Variants in TAF2 observed in about 807,000 individuals in gnomAD.
TAF2 encodes the protein transcription initiation factor TFIID subunit 2.
A neutral mutation model predicts 138.5 loss-of-function variants in TAF2; 61 were observed. The observed-to-expected ratio is 0.44, with a 90% CI of 0.36 to 0.54. The LOEUF (loss-of-function observed/expected upper bound fraction) is 0.54, where lower values mean the gene tolerates loss of function less well. TAF2 is among the 20% of genes least tolerant of loss of function. The pLI is 0.00. For synonymous variants in TAF2, 475 were observed against 469.9 expected (o/e 1.01, Z -0.14); for missense variants, 1,090 against 1,427.9 (o/e 0.76, Z 3.81).
rs999373660 is a variant in TAF2 at position 119,803,245 on chromosome 8, T to C, written c.560+633A>G. 4.6e-5 allele frequency among the ~76,000 whole-genome samples: 7 copies of C among 152,264 alleles called. No homozygotes were observed. In the South Asian group the frequency reaches 6.2e-4, roughly 13 times the overall value. ...CTAGATGTAAATTATGTAGGCTTGT[T>C]CACTTGTGAAAATTCATCGAGCTTT... On this transcript the variant is annotated intron_variant, in intron 5 of 25. Coordinates refer to ENST00000378164, the MANE Select transcript of TAF2 (RefSeq NM_003184.4).
At chr8:119,754,965 A>G (rs958465656) in intron 22 of TAF2, among the ~76,000 whole-genome samples, 2 of 152,254 alleles carry the variant, frequency 1.3e-5, no homozygotes, top group Non-Finnish European at 2.9e-5. Flanking sequence ...AAGCGTAACT[A>G]TCATTAAGCT....
chr8:119,829,270 T>C (rs1310275567), intron 2 of TAF2, among the ~76,000 whole-genome samples: 1 of 152,162 alleles, frequency 6.6e-6, no homozygotes, highest in Non-Finnish European at 1.5e-5. Flanking sequence ...AAGTTTATAT[T>C]AATTACCCCA....
intron 3 of TAF2, among the ~76,000 whole-genome samples, chr8:119,810,033 ACAACAGAG>A (rs1270033753): frequency 6.7e-6 from 1 of 149,988 alleles, no homozygotes; most frequent in East Asian, 1.9e-4. Flanking sequence ...TCTGCGAGGC[ACAACAGAG>A]CAACAGAGCA....
At chr8:119,814,218 T>C (rs952592534) in intron 3 of TAF2, among the ~76,000 whole-genome samples, 2 of 152,118 alleles carry the variant, frequency 1.3e-5, no homozygotes, top group Admixed American at 6.5e-5. Context: ...AGGCTTCATG[T>C]TGAAGTTTAA....
chr8:119,800,171 G>C (rs373412817), intron 6 of TAF2, among the ~76,000 whole-genome samples: 1 of 152,082 alleles, frequency 6.6e-6, no homozygotes, highest in Non-Finnish European at 1.5e-5. Flanking sequence ...GTCAATTTTG[G>C]CTTTTGTTGC....
chr8:119,749,795 C>A (rs1430704759), intron 22 of TAF2, among the ~76,000 whole-genome samples: 2 of 152,160 alleles, frequency 1.3e-5, no homozygotes, highest in Non-Finnish European at 2.9e-5. Flanking sequence ...CATCTTTAAT[C>A]TTCCAGCTAC....
intron 18 of TAF2, among the ~76,000 whole-genome samples, chr8:119,774,866 A>G (rs10110601): frequency 0.27 from 41,339 of 152,018 alleles, 6,887 homozygotes; most frequent in Admixed American, 0.46. Flanking sequence ...TCATTAAAAA[A>G]TTTCAATTTT....
chr8:119,807,001 T>TC (rs1326092981), intron 3 of TAF2, among the ~76,000 whole-genome samples: 6 of 152,236 alleles, frequency 3.9e-5, no homozygotes, highest in Admixed American at 2.0e-4. Context: ...ACTATCCTTT[T>TC]TTGATACAAA....
In TAF2 at chr8:119,745,385, T is replaced by C. The variant is rs555265307; in HGVS notation, c.3109-992A>G. On this transcript the variant is annotated intron_variant, in intron 23 of 25. Transcript: ENST00000378164. ...TGAGTATGTAGATCTGAAAGAGCTC[T>C]TTAATGAGACTCTTTTTTTTCTATG... Among the ~76,000 whole-genome samples the C allele has an allele frequency of 1.2e-4, 18 of 152,076 alleles. No individual in the cohort carries two copies. In the East Asian group the frequency reaches 3.3e-3, roughly 28 times the overall value.
At chr8:119,795,730 C>T in intron 8 of TAF2, 99 bp from the exon 9 acceptor site, 1 of 1,077,218 alleles carries the variant, frequency 9.3e-7, no homozygotes, top group South Asian at 1.3e-5. Context: ...TATTTCCCTG[C>T]CTTCATAAAG....
chr8:119,822,253 G>C (rs973030848), intron 2 of TAF2, among the ~76,000 whole-genome samples: 3 of 149,562 alleles, frequency 2.0e-5, no homozygotes, highest in African/African-American at 7.4e-5. Flanking sequence ...ACAGGGTATT[G>C]CTCTGTCACC....
chr8:119,786,632 T>C (rs1384032979), intron 14 of TAF2, among the ~76,000 whole-genome samples: 2 of 152,178 alleles, frequency 1.3e-5, no homozygotes, highest in East Asian at 3.9e-4. Flanking sequence ...AAAAATTAGG[T>C]ATACATAGGC....
Position 119,732,043 on chromosome 8 carries a change from GCTT to G in TAF2, c.3478_3480del (p.Lys1160del), listed in dbSNP as rs771806869. The G allele has an allele frequency of 4.0e-5, 64 of 1,613,940 alleles. No homozygotes were observed. The highest frequency in any genetic ancestry group is 8.9e-5 in the East Asian group (4 of 44,894). ...TGCTTGTGTTTGTGCTTATGTTTAT[GCTT>G]CTTCTTCTTTTTCTTGTGCTCATGG... On this transcript the variant is annotated inframe_deletion, in exon 26 of 26. Transcript: ENST00000378164.
Position 119,777,434 on chromosome 8 carries a change from T to C in TAF2, c.2364+585A>G, listed in dbSNP as rs866898457. On this transcript the variant is annotated intron_variant, in intron 18 of 25. Transcript: ENST00000378164. ...TGAATAAATAAAGTTCATTAAGACA[T>C]CAACCATCTTTTCATTCCAGCTAAC... 4.6e-5 allele frequency among the ~76,000 whole-genome samples: 7 copies of C among 152,312 alleles called. No homozygotes were observed. In the Middle Eastern group the frequency reaches 0.021, roughly 447 times the overall value.
intron 18 of TAF2, among the ~76,000 whole-genome samples, chr8:119,777,565 AT>A (rs1266718748): frequency 6.8e-6 from 1 of 147,756 alleles, no homozygotes; most frequent in Non-Finnish European, 1.5e-5. Flanking sequence ...TCCAATTGCT[AT>A]TTGCTAAATA....
intron 18 of TAF2, among the ~76,000 whole-genome samples, chr8:119,764,029 A>C (rs1398175665): frequency 1.4e-5 from 2 of 139,474 alleles, no homozygotes; most frequent in African/African-American, 5.5e-5. Context: ...CACGCCTATA[A>C]TCCCAGTTAC....
intron 16 of TAF2, among the ~76,000 whole-genome samples, chr8:119,781,590 G>T (rs988022820): frequency 2.0e-5 from 3 of 152,008 alleles, no homozygotes; most frequent in African/African-American, 4.8e-5. Flanking sequence ...TGATGTGGGA[G>T]AACTGCTTGA....
At chr8:119,810,515 T>C (rs1478667073) in intron 3 of TAF2, among the ~76,000 whole-genome samples, 1 of 152,208 alleles carries the variant, frequency 6.6e-6, no homozygotes, top group Non-Finnish European at 1.5e-5. Context: ...TACCTAACAG[T>C]GGGACTAGAG....
At chr8:119,733,748 A>G (rs1819033401) in intron 25 of TAF2, among the ~76,000 whole-genome samples, 1 of 151,642 alleles carries the variant, frequency 6.6e-6, no homozygotes, top group Non-Finnish European at 1.5e-5. Flanking sequence ...GTTACCAAAT[A>G]TTGTTGATTC....
Sources: gnomAD v4.1 joint callset for allele counts (sites outside exome capture counted in the v4.1 genomes callset) on GRCh38, gnomAD v4.1.1 for gene constraint, MANE v1.5 for transcripts, NCBI Gene and HGNC (gene_info 2026-07-23, HGNC 2026-07-21) for gene names.